The following GABRA3 variants were observed in gnomAD, a reference collection of about 807,000 sequenced individuals.
The protein encoded by GABRA3 is gamma-aminobutyric acid receptor subunit alpha-3.
A neutral mutation model predicts 30.1 loss-of-function variants in GABRA3; 10 were observed. That is an observed-to-expected ratio of 0.33 (90% CI 0.20 to 0.56). The LOEUF is 0.56. Among genes scored for constraint, GABRA3 ranks in the 20% least tolerant of loss-of-function variants. The probability of loss-of-function intolerance (pLI) is 0.89; values close to 1 mark genes in which losing one functional copy is unlikely to be tolerated. For synonymous variants in GABRA3, 151 were observed against 146.8 expected (o/e 1.03, Z -0.21); for missense variants, 233 against 392.0 (o/e 0.59, Z 3.42).
At chrX:152,169,500 G>A (rs372875032) in intron 9 of GABRA3, among the ~76,000 whole-genome samples, 5 of 112,061 alleles carry the variant, frequency 4.5e-5, no homozygotes, top group African/African-American at 1.6e-4. Flanking sequence ...TGTGTATACA[G>A]AGAGCCTCAC....
At chrX:152,385,858 C>T (rs1171692865) in intron 1 of GABRA3, among the ~76,000 whole-genome samples, 1 of 111,218 alleles carries the variant, frequency 9.0e-6, no homozygotes, top group Non-Finnish European at 1.9e-5. Flanking sequence ...GAATCCTTTC[C>T]CCATTGCTTG....
At chrX:152,288,543 G>A (rs1939338183) in intron 3 of GABRA3, among the ~76,000 whole-genome samples, 1 of 112,274 alleles carries the variant, frequency 8.9e-6, no homozygotes. Context: ...TAGATCACAT[G>A]AGCCACCCAT....
At chrX:152,299,491 T>C (rs961098467) in intron 3 of GABRA3, among the ~76,000 whole-genome samples, 2 of 111,505 alleles carry the variant, frequency 1.8e-5, no homozygotes, top group African/African-American at 6.5e-5. Context: ...GAATCGGAAC[T>C]GAGCCAAGTG....
intron 1 of GABRA3, among the ~76,000 whole-genome samples, chrX:152,375,637 T>C (rs1233687599): frequency 8.9e-6 from 1 of 112,056 alleles, no homozygotes; most frequent in African/African-American, 3.2e-5. Flanking sequence ...TTCCACTGTA[T>C]TTGTCTAGAA....
Position 152,211,617 on chromosome X carries a change from A to G in GABRA3, c.635-3473T>C, listed in dbSNP as rs181408583. Among the ~76,000 whole-genome samples, 384 of 112,066 alleles carry G rather than the reference A, an allele frequency of 3.4e-3. 2 individuals are homozygous for G. The highest frequency in any genetic ancestry group is 0.012 in the African/African-American group (371 of 30,870). ...CTTGGAGCCTGACCTGTACTGGTAA[A>G]CAAAGTCTGTGAAGGCACAGTAGCC... On this transcript the variant is annotated intron_variant, in intron 6 of 9. Coordinates refer to ENST00000370314, the MANE Select transcript of GABRA3 (RefSeq NM_000808.4).
At chrX:152,294,024 G>C (rs1939475972) in intron 3 of GABRA3, among the ~76,000 whole-genome samples, 1 of 111,616 alleles carries the variant, frequency 9.0e-6, no homozygotes, top group Non-Finnish European at 1.9e-5. Context: ...TTCCCTTTGT[G>C]GGTAATCCGA....
intron 2 of GABRA3, among the ~76,000 whole-genome samples, chrX:152,348,972 T>C (rs147061190): frequency 2.1e-4 from 23 of 111,409 alleles, no homozygotes; most frequent in African/African-American, 6.2e-4. Context: ...AACAATGAAG[T>C]TTGCCTCATC....
intron 9 of GABRA3, among the ~76,000 whole-genome samples, chrX:152,176,954 A>T (rs1186228535): frequency 2.7e-5 from 3 of 111,920 alleles, no homozygotes; most frequent in Non-Finnish European, 5.6e-5. Flanking sequence ...TAGTGCTGGA[A>T]AGAAGACAAG....
chrX:152,448,770 T>C (rs1233844828), intron 1 of GABRA3, among the ~76,000 whole-genome samples: 1 of 111,777 alleles, frequency 8.9e-6, no homozygotes, highest in Admixed American at 9.5e-5. Flanking sequence ...TGAAAATTCC[T>C]GCCACTCAAA....
At chrX:152,174,104 T>C (rs1321043106) in intron 9 of GABRA3, among the ~76,000 whole-genome samples, 1 of 111,140 alleles carries the variant, frequency 9.0e-6, no homozygotes, top group Non-Finnish European at 1.9e-5. Flanking sequence ...TCCATGTCCC[T>C]GCAAAGGACA....
At chrX:152,247,812 A>G (rs1016725522) in intron 5 of GABRA3, among the ~76,000 whole-genome samples, 12 of 111,327 alleles carry the variant, frequency 1.1e-4, no homozygotes, top group African/African-American at 3.9e-4. Context: ...TGAGGATTAA[A>G]TTTAACAAAT....
At chrX:152,345,780 A>G (rs1415759354) in intron 2 of GABRA3, 78 bp from the exon 3 acceptor site, 3 of 957,055 alleles carry the variant, frequency 3.1e-6, no homozygotes, top group Middle Eastern at 3.1e-4. Flanking sequence ...ATCGTAATTC[A>G]AGATTTCAAT....
chrX:152,242,001 G>C (rs1173255239), intron 5 of GABRA3, among the ~76,000 whole-genome samples: 1 of 111,789 alleles, frequency 8.9e-6, no homozygotes, highest in Non-Finnish European at 1.9e-5. Flanking sequence ...GACCGGAGCT[G>C]TTCCTATTCG....
chrX:152,228,782 C>A (rs895922029), intron 5 of GABRA3, among the ~76,000 whole-genome samples: 4 of 111,003 alleles, frequency 3.6e-5, no homozygotes, highest in Admixed American at 2.9e-4. Flanking sequence ...TTGTAAATAT[C>A]CAAGGGAACT....
chrX:152,269,607 A>G (rs1396884293), intron 4 of GABRA3, among the ~76,000 whole-genome samples: 1 of 112,341 alleles, frequency 8.9e-6, no homozygotes, highest in Non-Finnish European at 1.9e-5. Context: ...GCAATACTAA[A>G]AAAACACCAC....
At chrX:152,415,356 A>AT (rs1299477524) in intron 1 of GABRA3, among the ~76,000 whole-genome samples, 1 of 111,209 alleles carries the variant, frequency 9.0e-6, no homozygotes, top group Non-Finnish European at 1.9e-5. Flanking sequence ...CTAAAAGCCA[A>AT]TTTTAAAAAA....
chrX:152,181,476 A>G (rs908346832), intron 9 of GABRA3, among the ~76,000 whole-genome samples: 4 of 110,069 alleles, frequency 3.6e-5, no homozygotes, highest in African/African-American at 1.3e-4. Flanking sequence ...GGTTTTCTAT[A>G]TATAAGATCA....
chrX:152,361,088 CT>C (rs1928487328), intron 2 of GABRA3, among the ~76,000 whole-genome samples: 1 of 88,126 alleles, frequency 1.1e-5, no homozygotes, highest in African/African-American at 4.6e-5. Context: ...AAGACCACGT[CT>C]TTAAAAAAAA....
intron 1 of GABRA3, among the ~76,000 whole-genome samples, chrX:152,432,774 T>C (rs1268848146): frequency 9.0e-6 from 1 of 111,674 alleles, no homozygotes; most frequent in African/African-American, 3.2e-5. Context: ...ACCTTTTAGC[T>C]TAATGCAATA....
Sources: allele counts gnomAD v4.1 joint callset (sites outside exome capture counted in the v4.1 genomes callset), GRCh38; gene constraint gnomAD v4.1.1; transcripts MANE v1.5; gene names NCBI Gene and HGNC (gene_info 2026-07-23, HGNC 2026-07-21).